Variants in FNDC3A observed in about 807,000 individuals in gnomAD.
FNDC3A encodes fibronectin type-III domain-containing protein 3A.
Under a neutral mutation model 148.9 loss-of-function variants are expected in FNDC3A, and 32 were observed. The observed-to-expected ratio is 0.21, with a 90% CI of 0.16 to 0.29. The LOEUF (loss-of-function observed/expected upper bound fraction) is 0.29, where lower values mean the gene tolerates loss of function less well. Ranked by LOEUF, FNDC3A falls within the 10% of genes least tolerant of loss-of-function variation. The probability of loss-of-function intolerance (pLI) is 1.00; values close to 1 mark genes in which losing one functional copy is unlikely to be tolerated. For synonymous variants in FNDC3A, 472 were observed against 473.6 expected, an observed-to-expected ratio of 1.00 and a Z score of 0.04; for missense variants, 1,191 against 1,452.8, an observed-to-expected ratio of 0.82 and a Z score of 2.93.
At chr13:49,116,161 TGTGG>T (rs1880944049) in intron 4 of FNDC3A, among the ~76,000 whole-genome samples, 2 of 152,350 alleles carry the variant, frequency 1.3e-5, no homozygotes, top group South Asian at 4.1e-4. Flanking sequence ...TTTTATTTTT[TGTGG>T]CAAACTCCTA....
chr13:49,198,161 G>A lies in FNDC3A; in HGVS notation c.2670G>A (p.Ser890=), dbSNP rs765183935. The change falls in exon 22 of 26, where the codon TCG becomes TCA. Residue 890 remains serine (S), a synonymous_variant. Coordinates refer to ENST00000492622, the MANE Select transcript of FNDC3A (RefSeq NM_001079673.2). Reference sequence around the variant, plus strand: ...GGGAAAAGCCTTGTGATCATGGTTCGGAAATCCTTGCCTACAGCATAGACT... The same window carrying A: ...GGGAAAAGCCTTGTGATCATGGTTCAGAAATCCTTGCCTACAGCATAGACT... ...ISWEKPCDHG[S]EILAYSIDFG... is the part of the protein sequence containing the mutation. The A allele has an allele frequency of 6.8e-6, 11 of 1,614,090 alleles. No homozygotes were observed. Among genetic ancestry groups the A allele is most frequent in the Middle Eastern group, 3.3e-4 (2 of 6,062 alleles).
intron 17 of FNDC3A, among the ~76,000 whole-genome samples, chr13:49,190,386 A>C (rs1395120269): frequency 6.6e-6 from 1 of 152,190 alleles, no homozygotes; most frequent in Non-Finnish European, 1.5e-5. Context: ...AGCTTGGTGC[A>C]GTGACAAATG....
At chr13:49,160,792 T>G (rs1480589336) in intron 8 of FNDC3A, among the ~76,000 whole-genome samples, 1 of 151,674 alleles carries the variant, frequency 6.6e-6, no homozygotes, top group Admixed American at 6.6e-5. Flanking sequence ...CTGCTTTGAA[T>G]GTGTCCCAGA....
chr13:49,199,430 C>G (rs1416935487), intron 23 of FNDC3A, among the ~76,000 whole-genome samples: 1 of 149,712 alleles, frequency 6.7e-6, no homozygotes, highest in Non-Finnish European at 1.5e-5. Flanking sequence ...CAGGTTCAAA[C>G]AATTCCCCTG....
rs75947457 is a variant in FNDC3A at position 49,179,401 on chromosome 13, ATTC to A, written c.1617+750_1617+752del. Among the ~76,000 whole-genome samples the A allele has an allele frequency of 2.4e-3, 367 of 152,248 alleles. 13 individuals carry two copies. The East Asian group carries it at 0.062, about 26-fold the overall frequency. On this transcript the variant is annotated intron_variant, in intron 14 of 25. Coordinates refer to ENST00000492622, the MANE Select transcript of FNDC3A (RefSeq NM_001079673.2). ...TCATATTTATAATAACTGTAAAGTT[ATTC>A]TTTTTTGTTTGTAATTAATAAGTAT...
chr13:49,040,006 G>A (rs1004915927), intron 2 of FNDC3A, among the ~76,000 whole-genome samples: 11 of 152,162 alleles, frequency 7.2e-5, no homozygotes, highest in African/African-American at 2.2e-4. Flanking sequence ...GAGCCACCGT[G>A]CTGGCCCTGT....
intron 24 of FNDC3A, among the ~76,000 whole-genome samples, chr13:49,202,811 G>C (rs1351024796): frequency 6.6e-6 from 1 of 152,118 alleles, no homozygotes; most frequent in Non-Finnish European, 1.5e-5. Context: ...TGAGACCAAC[G>C]TGGGCAACAT....
chr13:49,113,333 C>G (rs1016658467), intron 3 of FNDC3A, among the ~76,000 whole-genome samples: 6 of 151,558 alleles, frequency 4.0e-5, no homozygotes, highest in African/African-American at 1.5e-4. Context: ...TAGTAGTTTC[C>G]CTCTTACACC....
At chr13:48,994,760 G>C (rs1951992516) in intron 1 of FNDC3A, among the ~76,000 whole-genome samples, 1 of 150,914 alleles carries the variant, frequency 6.6e-6, no homozygotes, top group Non-Finnish European at 1.5e-5. Flanking sequence ...CTGGGTGACA[G>C]AGCAAGACTC....
At chr13:49,022,857 T>C (rs1873431476) in intron 2 of FNDC3A, among the ~76,000 whole-genome samples, 1 of 152,150 alleles carries the variant, frequency 6.6e-6, no homozygotes, top group Non-Finnish European at 1.5e-5. Flanking sequence ...AAATCAAATA[T>C]TTTTGAAAAA....
rs747499255 is a variant in FNDC3A, at chr13:49,191,104, A to C, written c.2034A>C (p.Glu678Asp). The C allele has an allele frequency of 6.2e-7, 1 of 1,613,510 alleles. No homozygotes were observed. Among genetic ancestry groups the C allele is most frequent in the South Asian group, 1.1e-5 (1 of 90,976 alleles). The change falls in exon 18 of 26, where the codon GAA becomes GAC. Residue 678 changes from glutamate (E) to aspartate (D), a missense_variant. Coordinates refer to ENST00000492622, the MANE Select transcript of FNDC3A (RefSeq NM_001079673.2). ...TACAGGGTAGACCCAAAGCAAAAGA[A>C]ATACAGTTACGATGGGGTAATTTCC... is the stretch of plus-strand genomic sequence containing the variant. Reference protein sequence around the residue: ...PRLQGRPKAKEIQLRWGPPLV... With the variant: ...PRLQGRPKAKDIQLRWGPPLV...
intron 1 of FNDC3A, among the ~76,000 whole-genome samples, chr13:48,987,261 T>C (rs1951824201): frequency 6.6e-6 from 1 of 152,228 alleles, no homozygotes; most frequent in Admixed American, 6.5e-5. Flanking sequence ...ATGTGGAACT[T>C]AAGAAGATGT....
chr13:49,044,660 ACT>A (rs946942611), intron 2 of FNDC3A: 23 of 223,022 alleles, frequency 1.0e-4, no homozygotes, highest in African/African-American at 9.6e-5. Flanking sequence ...ACAAAGTGAG[ACT>A]CTGTCTCAAA....
At chr13:49,082,392 A>G (rs925660249) in intron 3 of FNDC3A, among the ~76,000 whole-genome samples, 1 of 148,016 alleles carries the variant, frequency 6.8e-6, no homozygotes, top group African/African-American at 2.7e-5. Context: ...TCTCAAAAAC[A>G]AAAAAACCCA....
At chr13:49,075,159 T>TA in intron 2 of FNDC3A, 130 bp from the exon 3 acceptor site, 1 of 498,018 alleles carries the variant, frequency 2.0e-6, no homozygotes, top group Non-Finnish European at 3.6e-6. Context: ...ACCAGCATCT[T>TA]AAATGTGTAA....
intron 2 of FNDC3A, among the ~76,000 whole-genome samples, chr13:49,050,649 G>A (rs1188016405): frequency 2.0e-5 from 3 of 152,142 alleles, no homozygotes; most frequent in Non-Finnish European, 2.9e-5. Flanking sequence ...GTAAATACCT[G>A]TTAAGTCCAT....
Position 49,185,983 on chromosome 13 carries a change from A to C in FNDC3A, c.1637A>C (p.Glu546Ala). The change falls in exon 15 of 26, where the codon GAA becomes GCA. Residue 546 changes from glutamate to alanine, a missense_variant. Glu to Ala is a moderately radical substitution (Grantham distance 107). Around this residue, in one of 3 missense-constraint regions of FNDC3A, gnomAD observed 751 missense variants for 944.0 expected, o/e 0.80. Transcript: ENST00000492622. ...TCACAGGTTATTGCTTACAACTCAG[A>C]AGGTAAAAGTAATCCAAGTGAAGTA... ...YKFKVIAYNSEGKSNPSEVVE... is the reference protein window; with the variant it reads ...YKFKVIAYNSAGKSNPSEVVE... 1 of 1,611,866 alleles carries C rather than the reference A, an allele frequency of 6.2e-7. No individual in the cohort carries two copies. The highest frequency in any genetic ancestry group is 1.1e-5 in the South Asian group (1 of 91,004).
At chr13:49,199,391 G>A (rs993898048) in intron 23 of FNDC3A, among the ~76,000 whole-genome samples, 3 of 148,864 alleles carry the variant, frequency 2.0e-5, no homozygotes, top group Non-Finnish European at 3.0e-5. Context: ...GCAGTGACGC[G>A]ATCTCGGCTC....
At chr13:49,097,162 A>G (rs1879577493) in intron 3 of FNDC3A, among the ~76,000 whole-genome samples, 1 of 152,070 alleles carries the variant, frequency 6.6e-6, no homozygotes, top group African/African-American at 2.4e-5. Flanking sequence ...GATAACCAAA[A>G]CTATAGTAAT....
Sources: gnomAD v4.1 joint callset for allele counts (sites outside exome capture counted in the v4.1 genomes callset) on GRCh38, gnomAD v4.1.1 for gene constraint, gnomAD v4.1.1 regional missense constraint, MANE v1.5 for transcripts, NCBI Gene and HGNC (gene_info 2026-07-23, HGNC 2026-07-21) for gene names.